Variants in ADTRP observed in about 807,000 individuals in gnomAD.
ADTRP encodes the protein androgen dependent TFPI regulating protein, also known as androgen-dependent TFPI-regulating protein.
Under a neutral mutation model 27.0 loss-of-function variants are expected in ADTRP, and 20 were observed. That is an observed-to-expected ratio of 0.74 (90% confidence interval 0.52 to 1.08). The LOEUF (loss-of-function observed/expected upper bound fraction) is 1.08. Ranked by LOEUF, ADTRP falls within the 50% of genes least tolerant of loss-of-function variation. The pLI is 0.00. For missense variants in ADTRP, 251 were observed against 275.0 expected, an observed-to-expected ratio of 0.91 and a Z score of 0.62; for synonymous variants, 101 against 105.2, an observed-to-expected ratio of 0.96 and a Z score of 0.25.
At chr6:11,757,063 C>T (rs114889022) in intron 3 of ADTRP, among the ~76,000 whole-genome samples, 2,290 of 152,272 alleles carry the variant, frequency 0.015, 55 homozygotes, top group African/African-American at 0.052. Context: ...CCAAAATGGG[C>T]ATTTTAAGTG....
At chr6:11,749,491 A>C (rs964405885) in intron 3 of ADTRP, among the ~76,000 whole-genome samples, 2 of 152,102 alleles carry the variant, frequency 1.3e-5, no homozygotes, top group Non-Finnish European at 2.9e-5. Flanking sequence ...ATGGGAATGA[A>C]TGGATGCCAG....
intron 3 of ADTRP, among the ~76,000 whole-genome samples, chr6:11,749,805 C>T (rs1762982944): frequency 6.6e-6 from 1 of 152,186 alleles, no homozygotes; most frequent in Non-Finnish European, 1.5e-5. Flanking sequence ...CTGAGGGCAA[C>T]ACTCGGGTTA....
At chr6:11,764,894 TAAAAAAAAAAAAA>T (rs34204085) in intron 3 of ADTRP, among the ~76,000 whole-genome samples, 48 of 122,360 alleles carry the variant, frequency 3.9e-4, no homozygotes, top group Non-Finnish European at 8.3e-5. Context: ...TACCATTTCT[TAAAAAAAAAAAAA>T]AAAAAAAAAA....
intron 3 of ADTRP, among the ~76,000 whole-genome samples, chr6:11,739,286 G>A (rs1762643579): frequency 6.6e-6 from 1 of 152,100 alleles, no homozygotes; most frequent in African/African-American, 2.4e-5. Context: ...AAAACATCAT[G>A]GGCTGAAACA....
intron 5 of ADTRP, among the ~76,000 whole-genome samples, chr6:11,719,198 GC>G (rs1761930423): frequency 6.6e-6 from 1 of 152,186 alleles, no homozygotes; most frequent in African/African-American, 2.4e-5. Flanking sequence ...ATGTAATAGA[GC>G]CTTGTCCTCA....
In ADTRP at chr6:11,723,473, A is replaced by G. The variant is rs751754481; in HGVS notation, c.534T>C (p.Gly178=). ...TGGCAAACACAGGATACACCCAGGT[A>G]CCCGTCTCAAAGTAGAGCCATAGGA... The part of the protein sequence containing the change: ...SRILWLYFET[G]TWVYPVFAKL... The change falls in exon 5 of 6, where the codon GGT becomes GGC. Residue 178 remains glycine, a synonymous_variant. Transcript: ENST00000414691. 2.5e-6 allele frequency: 4 copies of G among 1,614,150 alleles called. No individual in the cohort carries two copies. The Admixed American group carries it at 6.7e-5, about 27-fold the overall frequency.
chr6:11,717,445 A>G lies in ADTRP; in HGVS notation c.659-2933T>C, dbSNP rs1761869695. 3 of 1,302,980 alleles carry G rather than the reference A, an allele frequency of 2.3e-6. No homozygotes were observed. The Admixed American group carries it at 6.9e-5, about 30-fold the overall frequency. The allele number at this position is 1,302,980 out of a possible 1,614,324, so 80.7% of individuals were successfully genotyped here. On this transcript the variant is annotated intron_variant, in intron 5 of 5. Transcript: ENST00000414691. Reference sequence around the variant, plus strand: ...GGCATGGCCAAGAAATTATTGTTTCAATCAACATCACCATAGATACCATAT... The same window carrying G: ...GGCATGGCCAAGAAATTATTGTTTCGATCAACATCACCATAGATACCATAT...
At chr6:11,725,843 T>C (rs980765863) in intron 4 of ADTRP, among the ~76,000 whole-genome samples, 5 of 136,066 alleles carry the variant, frequency 3.7e-5, no homozygotes, top group African/African-American at 1.4e-4. Context: ...GAGCTTGCAG[T>C]GATTGGAGAT....
intron 4 of ADTRP, among the ~76,000 whole-genome samples, chr6:11,731,102 C>A (rs988157954): frequency 2.0e-5 from 3 of 152,106 alleles, no homozygotes; most frequent in African/African-American, 7.2e-5. Flanking sequence ...GTGCAGTGCA[C>A]GACAGGGGCA....
At chr6:11,731,051 G>C (rs1016370819) in intron 4 of ADTRP, among the ~76,000 whole-genome samples, 2 of 152,220 alleles carry the variant, frequency 1.3e-5, no homozygotes, top group Non-Finnish European at 2.9e-5. Flanking sequence ...TTTGCTATCT[G>C]TGTGTAAGAA....
chr6:11,718,476 C>T (rs1447196470), intron 5 of ADTRP, among the ~76,000 whole-genome samples: 1 of 152,152 alleles, frequency 6.6e-6, no homozygotes, highest in East Asian at 1.9e-4. Flanking sequence ...ACATAAGGGG[C>T]AGAGAAGGGA....
At position 11,727,170 on chromosome 6, in the gene ADTRP, C is replaced by T. The variant is rs533183933; in HGVS notation, c.507-3670G>A. 8.4e-4 allele frequency among the ~76,000 whole-genome samples: 128 copies of T among 152,198 alleles called. 1 individual carries two copies. Among genetic ancestry groups the T allele is most frequent in the African/African-American group, 3.0e-3 (124 of 41,522 alleles). The stretch of plus-strand genomic sequence containing the variant: ...CCGAGTAGCTGGGTTTACAGGCGTG[C>T]GCCACCATGCCCAGCTAATTTTTGT... On this transcript the variant is annotated intron_variant, in intron 4 of 5. Coordinates refer to ENST00000414691, the MANE Select transcript of ADTRP (RefSeq NM_032744.4).
intron 3 of ADTRP, among the ~76,000 whole-genome samples, chr6:11,751,525 C>G (rs571136659): frequency 6.6e-6 from 1 of 152,204 alleles, no homozygotes; most frequent in Non-Finnish European, 1.5e-5. Flanking sequence ...CCCCCCAACA[C>G]TCCAACAGGA....
chr6:11,750,477 C>T (rs1763010233), intron 3 of ADTRP, among the ~76,000 whole-genome samples: 1 of 152,222 alleles, frequency 6.6e-6, no homozygotes, highest in Non-Finnish European at 1.5e-5. Flanking sequence ...CAGCATGCAC[C>T]AGGAAACAAA....
chr6:11,755,512 A>G (rs1045066072), intron 3 of ADTRP, among the ~76,000 whole-genome samples: 3 of 152,330 alleles, frequency 2.0e-5, no homozygotes, highest in African/African-American at 7.2e-5. Context: ...CGTCCTCTGG[A>G]CGTGTTCACT....
chr6:11,755,827 G>A (rs1763198868), intron 3 of ADTRP, among the ~76,000 whole-genome samples: 1 of 152,200 alleles, frequency 6.6e-6, no homozygotes, highest in Admixed American at 6.5e-5. Context: ...TAAATATCTG[G>A]GTGTGGTGAA....
At chr6:11,741,713 ATTT>A (rs71312624) in intron 3 of ADTRP, among the ~76,000 whole-genome samples, 11,825 of 129,100 alleles carry the variant, frequency 0.092, 824 homozygotes, top group African/African-American at 0.22. Context: ...TAAGGATAAG[ATTT>A]TTTTTAAAAA....
Position 11,730,585 on chromosome 6 carries a change from G to A in ADTRP, c.506+4983C>T, listed in dbSNP as rs1036141772. The stretch of plus-strand genomic sequence containing the variant: ...TTAATGTATTCTCAGGGTAAGATGT[G>A]TACATGTATTTGTAAATGAGGCATG... On this transcript the variant is annotated intron_variant, in intron 4 of 5. Transcript: ENST00000414691. Among the ~76,000 whole-genome samples the A allele has an allele frequency of 2.0e-5, 3 of 152,200 alleles. No homozygotes were observed. The South Asian group carries it at 6.2e-4, about 31-fold the overall frequency.
Position 11,735,604 on chromosome 6 carries a change from G to T in ADTRP, c.470C>A (p.Thr157Asn), listed in dbSNP as rs574196303. 6.2e-7 allele frequency: 1 copy of T among 1,613,958 alleles called. No individual in the cohort carries two copies. Among genetic ancestry groups the T allele is most frequent in the South Asian group, 1.1e-5 (1 of 91,070 alleles). ...HSYPSKKTGL[T>N]LLAAASIAYI... ...AGCAATGCTGGCAGCAGCCAGCAAG[G>T]TGAGTCCTGTCTTCTTTGATGGATA... Residue 157 changes from threonine to asparagine, a missense_variant, in exon 4 of 6, where the codon ACC becomes AAC. Transcript: ENST00000414691.
Sources: gnomAD v4.1 joint callset for allele counts (sites outside exome capture counted in the v4.1 genomes callset) on GRCh38, gnomAD v4.1.1 for gene constraint, MANE v1.5 for transcripts, NCBI Gene and HGNC (gene_info 2026-07-23, HGNC 2026-07-21) for gene names.